Variants in SV2B observed in about 807,000 individuals in gnomAD.
SV2B encodes the protein synaptic vesicle glycoprotein 2B, also known as solute carrier family 22 member B2.
In SV2B, 41 loss-of-function variants were observed where a neutral mutation model predicts 73.9. The observed-to-expected ratio is 0.56, with a 90% CI of 0.43 to 0.72. SV2B has a LOEUF of 0.72. Among genes scored for constraint, SV2B ranks in the 30% least tolerant of loss-of-function variants. The pLI, the probability that SV2B is intolerant of heterozygous loss-of-function variation, is 0.00. For missense variants in SV2B, 764 were observed against 857.8 expected (o/e 0.89, Z 1.37); for synonymous variants, 314 against 314.2 (o/e 1.00, Z 0.01).
intron 5 of SV2B, among the ~76,000 whole-genome samples, chr15:91,259,734 G>A (rs909449781): frequency 9.2e-5 from 14 of 152,130 alleles, no homozygotes; most frequent in African/African-American, 2.7e-4. Context: ...CACTCCAGTC[G>A]TGGCCTTCAT....
chr15:91,102,553 G>A lies in SV2B; in HGVS notation c.-392+2190G>A, dbSNP rs1349637322. Among the ~76,000 whole-genome samples, 3 of 152,148 alleles carry A rather than the reference G, an allele frequency of 2.0e-5. No homozygotes were observed. In the East Asian group the frequency reaches 5.8e-4, roughly 29 times the overall value. On this transcript the variant is annotated intron_variant, in intron 1 of 12. Transcript: ENST00000394232. ...TGTCAGCCATTGCTCTATGTGTGGAGAATACAGACAAAAACAACCAAAAAA... is the reference window on the plus strand; with the variant it reads ...TGTCAGCCATTGCTCTATGTGTGGAAAATACAGACAAAAACAACCAAAAAA...
At position 91,212,072 on chromosome 15, in the gene SV2B, T is replaced by G. The variant is rs146132847; in HGVS notation, c.-391-13801T>G. On this transcript the variant is annotated intron_variant, in intron 1 of 12. Coordinates refer to ENST00000394232, the MANE Select transcript of SV2B (RefSeq NM_001323032.3). Reference sequence around the variant, plus strand: ...TCTTCTTTGCTCTGGGAGATTGAAGTGCATCAGAAATATGACCTGTTTCTA... The same window carrying G: ...TCTTCTTTGCTCTGGGAGATTGAAGGGCATCAGAAATATGACCTGTTTCTA... Among the ~76,000 whole-genome samples the G allele has an allele frequency of 3.8e-4, 58 of 152,334 alleles. 3 individuals are homozygous for G. The East Asian group carries it at 0.011, about 28-fold the overall frequency.
rs1231024042 is a variant in SV2B at position 91,268,917 on chromosome 15, G to A, written c.1373+312G>A. On this transcript the variant is annotated intron_variant, in intron 9 of 12. Transcript: ENST00000394232. This position sits in a 1 kb window ranked among gnomAD's most constrained non-coding sequence, Gnocchi z 4.4. ...ATGTCCCATTAAGAGTGGCTGCCCA[G>A]AGAAAGGGCCTAGGGCTCTTACTGC... Among the ~76,000 whole-genome samples, 1 of 152,166 alleles carries A rather than the reference G, an allele frequency of 6.6e-6. No individual in the cohort carries two copies. Among genetic ancestry groups the A allele is most frequent in the Non-Finnish European group, 1.5e-5 (1 of 68,024 alleles).
rs898339542 is a variant in SV2B at position 91,258,748 on chromosome 15, G to A, written c.918+194G>A. 2.0e-5 allele frequency among the ~76,000 whole-genome samples: 3 copies of A among 152,036 alleles called. No homozygotes were observed. The highest frequency in any genetic ancestry group is 6.5e-5 in the Admixed American group (1 of 15,276). On this transcript the variant is annotated intron_variant, in intron 5 of 12. Transcript: ENST00000394232. The surrounding 1 kb of genome is among the most constrained non-coding windows in gnomAD (Gnocchi z 4.7). Reference sequence around the variant, plus strand: ...TGATGGTGGCAGGTCATGGATTCACGGACTGCAAATGCTGGATGGTTCAAG... The same window carrying A: ...TGATGGTGGCAGGTCATGGATTCACAGACTGCAAATGCTGGATGGTTCAAG...
rs774632148 is a variant in SV2B at position 91,232,073 on chromosome 15, T to A, written c.451+5359T>A. The stretch of plus-strand genomic sequence containing the variant: ...GGCATAATATTTGATTTATGAGCCG[T>A]GTTTTCTTTAGGCCTAAATTCATTG... On this transcript the variant is annotated intron_variant, in intron 2 of 12. Coordinates refer to ENST00000394232, the MANE Select transcript of SV2B (RefSeq NM_001323032.3). The surrounding 1 kb of genome is among the most constrained non-coding windows in gnomAD (Gnocchi z 4.7). Among the ~76,000 whole-genome samples, 5 of 152,220 alleles carry A rather than the reference T, an allele frequency of 3.3e-5. No individual in the cohort carries two copies. Among genetic ancestry groups the A allele is most frequent in the Non-Finnish European group, 7.3e-5 (5 of 68,038 alleles).
intron 2 of SV2B, among the ~76,000 whole-genome samples, chr15:91,246,086 C>CAAAAA (rs1567386907): frequency 3.8e-4 from 57 of 151,368 alleles, no homozygotes; most frequent in African/African-American, 1.3e-3. Context: ...AAAAAAAATC[C>CAAAAA]CCCCTTCAAA....
At position 91,223,788 on chromosome 15, in the gene SV2B, G is replaced by C. The variant is rs1015708705; in HGVS notation, c.-391-2085G>C. On this transcript the variant is annotated intron_variant, in intron 1 of 12. Transcript: ENST00000394232. This position sits in a 1 kb window ranked among gnomAD's most constrained non-coding sequence, Gnocchi z 4.6. ...ATTTACTGGAGATGGTGAAAAATCG[G>C]AAAGAGTAGAGTGCGAATCATTTCT... Among the ~76,000 whole-genome samples, 2 of 152,198 alleles carry C rather than the reference G, an allele frequency of 1.3e-5. No homozygotes were observed. The highest frequency in any genetic ancestry group is 4.8e-5 in the African/African-American group (2 of 41,448).
chr15:91,217,245 GGTT>G (rs1567354100), intron 1 of SV2B, among the ~76,000 whole-genome samples: 1 of 152,162 alleles, frequency 6.6e-6, no homozygotes, highest in Non-Finnish European at 1.5e-5. Flanking sequence ...AAGACTGTTT[GGTT>G]TTGGTGATTC....
intron 9 of SV2B, among the ~76,000 whole-genome samples, chr15:91,270,812 TG>T (rs1446146661): frequency 1.2e-5 from 1 of 82,614 alleles, no homozygotes; most frequent in Admixed American, 1.5e-4. Flanking sequence ...CTGTGGATGA[TG>T]GGGGGATGGT....
chr15:91,138,168 A>T (rs1249064827), intron 1 of SV2B, among the ~76,000 whole-genome samples: 3 of 152,252 alleles, frequency 2.0e-5, no homozygotes, highest in African/African-American at 7.2e-5. Flanking sequence ...AACAAAAACC[A>T]ACCAAAAAAA....
Position 91,258,544 on chromosome 15 carries a change from T to G in SV2B, c.908T>G (p.Phe303Cys). The G allele has an allele frequency of 6.2e-7, 1 of 1,614,068 alleles. No homozygotes were observed. Among genetic ancestry groups the G allele is most frequent in the Non-Finnish European group, 8.5e-7 (1 of 1,179,952 alleles). ...AAGTTCATGCCAGAGAGCCCAAGGT[T>G]TCTGCTAGAGGTGAGTCAGTGCTTT... is the stretch of plus-strand genomic sequence containing the variant. ...ALKFMPESPR[F>C]LLEMGKHDEA... Residue 303 changes from phenylalanine to cysteine, a missense_variant, in exon 5 of 13, where the codon TTT becomes TGT. Phe to Cys is a radical substitution (Grantham distance 205). Transcript: ENST00000394232. This position sits in a 1 kb window ranked among gnomAD's most constrained non-coding sequence, Gnocchi z 4.7.
intron 1 of SV2B, among the ~76,000 whole-genome samples, chr15:91,212,246 C>T (rs1469498212): frequency 2.6e-5 from 4 of 152,204 alleles, no homozygotes; most frequent in African/African-American, 9.7e-5. Flanking sequence ...TGAAAACTCT[C>T]CAGAAAACTT....
intron 1 of SV2B, among the ~76,000 whole-genome samples, chr15:91,178,825 G>C (rs1394715809): frequency 2.5e-4 from 35 of 142,832 alleles, no homozygotes; most frequent in Admixed American, 1.9e-3. Flanking sequence ...CAATTTTGTT[G>C]ATCCTTTCAA....
Position 91,292,411 on chromosome 15 carries a change from C to T in SV2B, c.1911C>T (p.Gly637=), listed in dbSNP as rs769375334. The T allele has an allele frequency of 7.4e-6, 12 of 1,613,946 alleles. No individual in the cohort carries two copies. Among genetic ancestry groups the T allele is most frequent in the South Asian group, 1.1e-5 (1 of 91,066 alleles). Residue 637 remains glycine, a synonymous_variant, in exon 13 of 13, where the codon GGC becomes GGT. Coordinates refer to ENST00000394232, the MANE Select transcript of SV2B (RefSeq NM_001323032.3). ...TTCTCAATGGATTATGCAAATTTGGCGCCATCCTGGGAAACACCATCTTTG... is the reference window on the plus strand; with the variant it reads ...TTCTCAATGGATTATGCAAATTTGGTGCCATCCTGGGAAACACCATCTTTG... ...FGILNGLCKF[G]AILGNTIFAS...
chr15:91,159,992 C>G (rs1421021620), intron 1 of SV2B, among the ~76,000 whole-genome samples: 3 of 151,768 alleles, frequency 2.0e-5, no homozygotes, highest in Non-Finnish European at 4.4e-5. Context: ...TACAAATTAC[C>G]AAGGGATAAA....
chr15:91,254,160 A>C (rs1171742764), intron 4 of SV2B, among the ~76,000 whole-genome samples: 2 of 151,462 alleles, frequency 1.3e-5, no homozygotes, highest in Non-Finnish European at 2.9e-5. Flanking sequence ...TTTTTTCCTC[A>C]CAATTCTTGA....
intron 9 of SV2B, among the ~76,000 whole-genome samples, chr15:91,270,504 T>C (rs1189303814): frequency 3.9e-5 from 6 of 152,250 alleles, no homozygotes; most frequent in South Asian, 2.1e-4. Flanking sequence ...TCTTGGACTC[T>C]TGACAACTAC....
Position 91,113,568 on chromosome 15 carries a change from C to T in SV2B, c.-392+13205C>T, listed in dbSNP as rs181322877. Among the ~76,000 whole-genome samples the T allele has an allele frequency of 7.3e-5, 11 of 150,230 alleles. No individual in the cohort carries two copies. In the East Asian group the frequency reaches 2.3e-3, roughly 31 times the overall value. On this transcript the variant is annotated intron_variant, in intron 1 of 12. Transcript: ENST00000394232. ...TTGGGTTGCCTGTAGCCTGGGTGCT[C>T]TTTAATAGAGAAAACGACTGGGGTA...
chr15:91,260,747 C>T (rs1333952031), intron 6 of SV2B, among the ~76,000 whole-genome samples: 7 of 152,046 alleles, frequency 4.6e-5, no homozygotes, highest in South Asian at 2.1e-4. Flanking sequence ...CTTACAGTTC[C>T]GCATGGCTGG....
Sources: allele counts gnomAD v4.1 joint callset (sites outside exome capture counted in the v4.1 genomes callset), GRCh38; gene constraint gnomAD v4.1.1; non-coding constraint Gnocchi (gnomAD v3.1); transcripts MANE v1.5; gene names NCBI Gene and HGNC (gene_info 2026-07-23, HGNC 2026-07-21).